The following WDR41 variants were observed in gnomAD, a reference collection of about 807,000 sequenced individuals.
WDR41 encodes the protein WD repeat domain 41, also known as WD repeat-containing protein 41.
In WDR41, 63 loss-of-function variants were observed where a neutral mutation model predicts 69.3. That is an observed-to-expected ratio of 0.91 (90% CI 0.74 to 1.12). WDR41 has a LOEUF of 1.12. WDR41 is among the 50% of genes most tolerant of loss of function. The pLI is 0.00. For synonymous variants in WDR41, 185 were observed against 192.1 expected (o/e 0.96, Z 0.31); for missense variants, 543 against 534.5 (o/e 1.02, Z -0.16).
intron 1 of WDR41, among the ~76,000 whole-genome samples, chr5:77,588,383 G>A (rs1744077376): frequency 6.6e-6 from 1 of 152,148 alleles, no homozygotes; most frequent in South Asian, 2.1e-4. Flanking sequence ...ATTCTCCTGT[G>A]TGATTTTTTA....
intron 1 of WDR41, among the ~76,000 whole-genome samples, chr5:77,566,700 G>C (rs893510069): frequency 1.3e-5 from 2 of 152,134 alleles, no homozygotes; most frequent in East Asian, 3.9e-4. Flanking sequence ...AAAGTAGAGT[G>C]GACATCAAAA....
At chr5:77,569,431 G>A in intron 1 of WDR41, among the ~76,000 whole-genome samples, 1 of 152,050 alleles carries the variant, frequency 6.6e-6, no homozygotes, top group Middle Eastern at 3.4e-3. Context: ...TGTGAGTATT[G>A]TTTGTATTTT....
At chr5:77,598,768 A>T (rs1336877618) in intron 1 of WDR41, among the ~76,000 whole-genome samples, 4 of 151,824 alleles carry the variant, frequency 2.6e-5, no homozygotes, top group Non-Finnish European at 5.9e-5. Context: ...TTGCACAGAC[A>T]ATTATGGTTC....
intron 1 of WDR41, among the ~76,000 whole-genome samples, chr5:77,571,194 G>A (rs939724160): frequency 3.3e-5 from 5 of 151,946 alleles, no homozygotes; most frequent in Non-Finnish European, 4.4e-5. Context: ...AAAATGGTCC[G>A]GAATTCCCCT....
chr5:77,482,175 T>C (rs1254888944), intron 2 of WDR41, among the ~76,000 whole-genome samples: 1 of 152,236 alleles, frequency 6.6e-6, no homozygotes, highest in South Asian at 2.1e-4. Context: ...GTGTCTTATC[T>C]GCACCCAGTC....
chr5:77,582,978 CA>C (rs1425227698), intron 1 of WDR41: 1 of 1,605,080 alleles, frequency 6.2e-7, no homozygotes, highest in Non-Finnish European at 8.5e-7. Context: ...GAAAACGCTT[CA>C]AAGAGGCAAA....
intron 1 of WDR41, among the ~76,000 whole-genome samples, chr5:77,585,510 C>T (rs906099570): frequency 3.3e-5 from 5 of 152,182 alleles, no homozygotes; most frequent in South Asian, 2.1e-4. Context: ...TATTCTAAGA[C>T]GATACTTGCA....
At chr5:77,594,254 G>A (rs572031254) in intron 1 of WDR41, among the ~76,000 whole-genome samples, 10 of 135,188 alleles carry the variant, frequency 7.4e-5, no homozygotes, top group East Asian at 6.8e-4. Context: ...ATCACACACC[G>A]GGGCCTGTTG....
chr5:77,437,269 C>T, intron 11 of WDR41, 67 bp downstream of exon 11: 3 of 1,299,526 alleles, frequency 2.3e-6, no homozygotes, highest in East Asian at 2.3e-5. Flanking sequence ...CATAATTGTC[C>T]TTCTCCTGCC....
intron 1 of WDR41, among the ~76,000 whole-genome samples, chr5:77,501,236 C>G (rs1802013778): frequency 6.6e-6 from 1 of 152,270 alleles, no homozygotes; most frequent in Non-Finnish European, 1.5e-5. Flanking sequence ...CCATTTCTGG[C>G]TCAGCGGGCC....
chr5:77,455,877 G>A (rs76899564), intron 5 of WDR41, among the ~76,000 whole-genome samples: 4 of 151,980 alleles, frequency 2.6e-5, no homozygotes, highest in East Asian at 1.9e-4. Flanking sequence ...AAATTGGGAA[G>A]TGTGTCTTGG....
At chr5:77,441,449 G>C (rs769848500) in intron 8 of WDR41, among the ~76,000 whole-genome samples, 1 of 152,042 alleles carries the variant, frequency 6.6e-6, no homozygotes, top group Non-Finnish European at 1.5e-5. Context: ...GTAAGTAGCT[G>C]CTTGGCAAAA....
chr5:77,553,768 A>C lies in WDR41; in HGVS notation c.43-64196T>G, dbSNP rs924579079. On this transcript the variant is annotated intron_variant, in intron 1 of 5. Transcript: ENST00000509971. ...CACTACACACATATCAACATGACTA[A>C]GATTTTAAAAAATAACACCACCAAA... Among the ~76,000 whole-genome samples, 17 of 152,356 alleles carry C rather than the reference A, an allele frequency of 1.1e-4. 1 individual carries two copies. The Middle Eastern group carries it at 0.01, about 91-fold the overall frequency.
At chr5:77,564,464 T>A (rs939738496) in intron 1 of WDR41, among the ~76,000 whole-genome samples, 9 of 152,190 alleles carry the variant, frequency 5.9e-5, no homozygotes, top group African/African-American at 2.2e-4. Context: ...TAAGACTTCA[T>A]GGACAGCGTT....
intron 1 of WDR41, among the ~76,000 whole-genome samples, chr5:77,506,612 C>T (rs1335562565): frequency 6.6e-6 from 1 of 152,084 alleles, no homozygotes; most frequent in East Asian, 1.9e-4. Flanking sequence ...GTACTATTCA[C>T]AATAGCAAAG....
At chr5:77,489,309 A>T (rs1801660846) in intron 2 of WDR41, 148 bp downstream of exon 2, 2 of 450,442 alleles carry the variant, frequency 4.4e-6, no homozygotes, top group Non-Finnish European at 3.9e-6. Flanking sequence ...CGAGATGCAG[A>T]GGCCAATTTC....
At chr5:77,503,342 T>C (rs1001145948) in intron 1 of WDR41, among the ~76,000 whole-genome samples, 3 of 152,092 alleles carry the variant, frequency 2.0e-5, no homozygotes, top group Non-Finnish European at 2.9e-5. Context: ...TAAATATATA[T>C]GCACCCAATA....
intron 12 of WDR41, 26 bp from the exon 13 acceptor site, chr5:77,433,313 T>C (rs374738024): frequency 1.9e-6 from 3 of 1,602,470 alleles, no homozygotes; most frequent in African/African-American, 1.3e-5. Flanking sequence ...AAACTGATTA[T>C]AGGGACCCCG....
At chr5:77,572,708 T>C (rs1208408843) in intron 1 of WDR41, among the ~76,000 whole-genome samples, 1 of 152,234 alleles carries the variant, frequency 6.6e-6, no homozygotes, top group Non-Finnish European at 1.5e-5. Flanking sequence ...TAGTGAAATT[T>C]TACCATTTCC....
Sources: gnomAD v4.1 joint callset for allele counts (sites outside exome capture counted in the v4.1 genomes callset) on GRCh38, gnomAD v4.1.1 for gene constraint, MANE v1.5 for transcripts, NCBI Gene and HGNC (gene_info 2026-07-23, HGNC 2026-07-21) for gene names.